The following GRIA3 variants were observed in gnomAD, a reference collection of about 807,000 sequenced individuals.
GRIA3 encodes glutamate receptor 3.
A neutral mutation model predicts 63.0 loss-of-function variants in GRIA3; 3 were observed. The observed-to-expected ratio is 0.05, with a 90% CI of 0.02 to 0.12. GRIA3 has a LOEUF of 0.12. GRIA3 is among the 10% of genes least tolerant of loss of function. GRIA3 has a pLI of 1.00. For missense variants in GRIA3, 347 were observed against 700.9 expected, an observed-to-expected ratio of 0.50 and a Z score of 5.70; for synonymous variants, 274 against 257.9, an observed-to-expected ratio of 1.06 and a Z score of -0.60.
intron 2 of GRIA3, among the ~76,000 whole-genome samples, chrX:123,232,111 C>T (rs759335209): frequency 9.0e-6 from 1 of 111,605 alleles, no homozygotes; most frequent in Non-Finnish European, 1.9e-5. Context: ...TCCTCACTTT[C>T]AAGTAGAAAT....
Position 123,253,397 on chromosome X carries a change from C to G in GRIA3, c.363C>G (p.His121Gln), listed in dbSNP as rs1471933796. ...NTLTSFCGAL[H>Q]TSFVTPSFPT... Reference sequence around the variant, plus strand: ...TGACCTCCTTCTGTGGGGCCCTGCACACATCCTTTGTTACGCCTAGCTTCC... The same window carrying G: ...TGACCTCCTTCTGTGGGGCCCTGCAGACATCCTTTGTTACGCCTAGCTTCC... The change falls in exon 3 of 16, where the codon CAC becomes CAG. Residue 121 changes from histidine (H) to glutamine (Q), a missense_variant. This residue lies in a region of GRIA3 where 29 missense variants were observed against 69.4 expected (regional missense o/e 0.42). Transcript: ENST00000620443. The G allele has an allele frequency of 1.7e-6, 2 of 1,209,835 alleles. No individual in the cohort carries two copies. The highest frequency in any genetic ancestry group is 3.5e-5 in the African/African-American group (2 of 57,161).
At chrX:123,258,113 G>A (rs960160009) in intron 3 of GRIA3, among the ~76,000 whole-genome samples, 1 of 112,178 alleles carries the variant, frequency 8.9e-6, no homozygotes, top group African/African-American at 3.2e-5. Flanking sequence ...TCCTTACTAT[G>A]GCATTATGTT....
intron 12 of GRIA3, among the ~76,000 whole-genome samples, chrX:123,463,708 G>GAA (rs1569440935): frequency 2.4e-4 from 22 of 90,614 alleles, no homozygotes; most frequent in South Asian, 5.4e-4. Flanking sequence ...GAAAAAGAAA[G>GAA]AAAGAAAGAA....
chrX:123,449,388 C>T (rs1162382766), intron 12 of GRIA3, among the ~76,000 whole-genome samples: 1 of 112,120 alleles, frequency 8.9e-6, no homozygotes, highest in Non-Finnish European at 1.9e-5. Flanking sequence ...TTGCCTTGAC[C>T]CCAATGGTAA....
At chrX:123,404,277 A>C (rs1331436803) in intron 9 of GRIA3, among the ~76,000 whole-genome samples, 1 of 110,718 alleles carries the variant, frequency 9.0e-6, no homozygotes, top group Non-Finnish European at 1.9e-5. Flanking sequence ...AAAAATGTAA[A>C]TGCCACGGAC....
chrX:123,314,570 A>C, intron 3 of GRIA3, among the ~76,000 whole-genome samples: 1 of 112,023 alleles, frequency 8.9e-6, no homozygotes, highest in East Asian at 2.8e-4. Flanking sequence ...TGGTCTTCTA[A>C]ATTTCCTTTC....
At chrX:123,389,757 G>C (rs1171282536) in intron 5 of GRIA3, among the ~76,000 whole-genome samples, 1 of 110,859 alleles carries the variant, frequency 9.0e-6, no homozygotes, top group African/African-American at 3.3e-5. Flanking sequence ...GCCCAGGCTG[G>C]AGTGCAGTAG....
chrX:123,278,593 T>C (rs1440432752), intron 3 of GRIA3, among the ~76,000 whole-genome samples: 1 of 112,227 alleles, frequency 8.9e-6, no homozygotes, highest in Non-Finnish European at 1.9e-5. Context: ...TTTGAGTTTA[T>C]TTTTGCATAT....
At chrX:123,398,227 T>C (rs1295347608) in intron 6 of GRIA3, among the ~76,000 whole-genome samples, 1 of 111,892 alleles carries the variant, frequency 8.9e-6, no homozygotes, top group Non-Finnish European at 1.9e-5. Flanking sequence ...TTCCCCTAAG[T>C]AAACACCAGA....
At chrX:123,410,826 G>A (rs1008452772) in intron 10 of GRIA3, among the ~76,000 whole-genome samples, 6 of 111,622 alleles carry the variant, frequency 5.4e-5, no homozygotes, top group South Asian at 7.6e-4. Flanking sequence ...CCAGCTAAAC[G>A]TAGTCTCACA....
At chrX:123,296,793 C>A (rs1349562464) in intron 3 of GRIA3, among the ~76,000 whole-genome samples, 1 of 111,038 alleles carries the variant, frequency 9.0e-6, no homozygotes, top group Non-Finnish European at 1.9e-5. Flanking sequence ...TAGCCTATAC[C>A]TTAAACTCAT....
rs1411774049 is a variant in GRIA3 at position 123,191,272 on chromosome X, G to C, written c.268+5282G>C. 2.7e-5 allele frequency among the ~76,000 whole-genome samples: 3 copies of C among 112,156 alleles called. No individual in the cohort carries two copies. The East Asian group carries it at 8.4e-4, about 31-fold the overall frequency. ...TTATTCCTTTGGCTTTGTTACTTTGGGTCTTATTAGATAAAATATCCACAG... is the reference window on the plus strand; with the variant it reads ...TTATTCCTTTGGCTTTGTTACTTTGCGTCTTATTAGATAAAATATCCACAG... On this transcript the variant is annotated intron_variant, in intron 2 of 15. Coordinates refer to ENST00000620443, the MANE Select transcript of GRIA3 (RefSeq NM_007325.5).
chrX:123,185,119 G>A, intron 1 of GRIA3: 1 of 287,835 alleles, frequency 3.5e-6, no homozygotes, highest in South Asian at 3.2e-5. Flanking sequence ...AGACAGGCTG[G>A]TGCTGGGGGA....
At chrX:123,283,006 C>A (rs1358019786) in intron 3 of GRIA3, among the ~76,000 whole-genome samples, 1 of 112,116 alleles carries the variant, frequency 8.9e-6, no homozygotes, top group Admixed American at 9.4e-5. Context: ...GAGATCAACA[C>A]AGAAGGCAGG....
At chrX:123,196,562 C>A (rs1233027057) in intron 2 of GRIA3, among the ~76,000 whole-genome samples, 1 of 112,082 alleles carries the variant, frequency 8.9e-6, no homozygotes, top group East Asian at 2.8e-4. Flanking sequence ...ATTCTAGTAG[C>A]AGGATTCAGC....
At chrX:123,465,851 C>T (rs1329663541) in intron 13 of GRIA3, 5 of 783,243 alleles carry the variant, frequency 6.4e-6, no homozygotes, top group Non-Finnish European at 9.9e-6. Flanking sequence ...AGACTGTTAT[C>T]TTATTATTGA....
At chrX:123,195,789 G>A (rs751858448) in intron 2 of GRIA3, among the ~76,000 whole-genome samples, 1 of 111,763 alleles carries the variant, frequency 8.9e-6, no homozygotes, top group Admixed American at 9.5e-5. Flanking sequence ...GAACAGCAGA[G>A]AGAAAAGCTC....
intron 2 of GRIA3, among the ~76,000 whole-genome samples, chrX:123,195,480 C>T (rs1051609910): frequency 2.7e-5 from 3 of 111,794 alleles, no homozygotes. Flanking sequence ...GTTGAAATTT[C>T]AAATGCATAT....
At chrX:123,463,572 AAGGAAGGGAGGGAGGG>A (rs1420712077) in intron 12 of GRIA3, among the ~76,000 whole-genome samples, 7 of 31,461 alleles carry the variant, frequency 2.2e-4, no homozygotes, top group Admixed American at 3.9e-4. Context: ...GGAAGGAAGG[AAGGAAGGGAGGGAGGG>A]AGGGAGGGAG....
Sources: gnomAD v4.1 joint callset for allele counts (sites outside exome capture counted in the v4.1 genomes callset) on GRCh38, gnomAD v4.1.1 for gene constraint, gnomAD v4.1.1 regional missense constraint, MANE v1.5 for transcripts, NCBI Gene and HGNC (gene_info 2026-07-23, HGNC 2026-07-21) for gene names.